Variants in UVRAG observed in about 807,000 individuals in gnomAD.
UVRAG encodes the protein UV radiation resistance associated, also known as UV radiation resistance-associated gene protein.
In UVRAG, 19 loss-of-function variants were observed where a neutral mutation model predicts 78.0. The ratio of observed to expected loss-of-function variants is 0.24; its 90% CI spans 0.17 to 0.36. The LOEUF (loss-of-function observed/expected upper bound fraction) is 0.36. Among genes scored for constraint, UVRAG ranks in the 10% least tolerant of loss-of-function variants. The pLI is 1.00. For missense variants in UVRAG, 740 were observed against 853.8 expected (o/e 0.87, Z 1.66); for synonymous variants, 323 against 324.6 (o/e 1.00, Z 0.05).
At chr11:76,062,420 T>C (rs1951111553) in intron 12 of UVRAG, among the ~76,000 whole-genome samples, 1 of 152,214 alleles carries the variant, frequency 6.6e-6, no homozygotes, top group Non-Finnish European at 1.5e-5. Flanking sequence ...CTTTAGGATT[T>C]TGAATAACTC....
intron 13 of UVRAG, among the ~76,000 whole-genome samples, chr11:76,075,294 A>G (rs1951383671): frequency 6.6e-6 from 1 of 152,198 alleles, no homozygotes; most frequent in Non-Finnish European, 1.5e-5. Flanking sequence ...TATTTCACAT[A>G]ACATACAATT....
intron 6 of UVRAG, among the ~76,000 whole-genome samples, chr11:75,918,252 G>A (rs1023315782): frequency 3.1e-4 from 46 of 150,476 alleles, no homozygotes; most frequent in Admixed American, 2.1e-3. Flanking sequence ...GGTAGCGGGC[G>A]CCTGTAGTCC....
intron 7 of UVRAG, among the ~76,000 whole-genome samples, chr11:75,978,060 C>G (rs1380524913): frequency 1.3e-5 from 2 of 152,108 alleles, no homozygotes; most frequent in African/African-American, 4.8e-5. Flanking sequence ...GTAGGGCAGG[C>G]CTGGTGGTGA....
chr11:76,141,018 G>C lies in UVRAG; in HGVS notation c.1705G>C (p.Val569Leu). ...AAACAAGAAAAAAGGAGAGGATCTA[G>C]TTGGCAGCTTAAACGGAGGCCACGC... is the stretch of plus-strand genomic sequence containing the variant. ...KENKKKGEDL[V>L]GSLNGGHANV... Residue 569 changes from valine to leucine, a missense_variant, in exon 15 of 15, where the codon GTT (valine) becomes CTT (leucine). Val to Leu is a conservative substitution (Grantham distance 32). Coordinates refer to ENST00000356136, the MANE Select transcript of UVRAG (RefSeq NM_003369.4). 1 of 1,614,158 alleles carries C rather than the reference G, an allele frequency of 6.2e-7. No homozygotes were observed. Among genetic ancestry groups the C allele is most frequent in the Non-Finnish European group, 8.5e-7 (1 of 1,180,040 alleles).
At chr11:75,924,054 G>A (rs1018648320) in intron 6 of UVRAG, among the ~76,000 whole-genome samples, 5 of 150,008 alleles carry the variant, frequency 3.3e-5, no homozygotes, top group Admixed American at 2.0e-4. Context: ...GACTATATAC[G>A]TTCAGGGAAT....
chr11:76,058,129 A>G (rs2134365174), intron 12 of UVRAG, among the ~76,000 whole-genome samples: 1 of 152,272 alleles, frequency 6.6e-6, no homozygotes, highest in Non-Finnish European at 1.5e-5. Flanking sequence ...TCATGTTATA[A>G]TCTATCCCAA....
chr11:75,934,689 T>TA (rs907179009), intron 6 of UVRAG, among the ~76,000 whole-genome samples: 12 of 152,222 alleles, frequency 7.9e-5, no homozygotes, highest in African/African-American at 2.6e-4. Context: ...ACTCCCTAGT[T>TA]ACAAAAAAAT....
At chr11:75,848,819 C>G (rs1471287727) in intron 1 of UVRAG, among the ~76,000 whole-genome samples, 3 of 152,136 alleles carry the variant, frequency 2.0e-5, no homozygotes, top group Non-Finnish European at 4.4e-5. Context: ...TTTCTGCATT[C>G]TTTCCTTCTT....
intron 13 of UVRAG, among the ~76,000 whole-genome samples, chr11:76,078,797 C>T (rs990516473): frequency 1.5e-3 from 221 of 145,966 alleles, no homozygotes; most frequent in African/African-American, 4.9e-3. Context: ...GGTGTGGTGG[C>T]GGACACCTGT....
chr11:76,123,621 A>G (rs1208400554), intron 14 of UVRAG, among the ~76,000 whole-genome samples: 1 of 152,186 alleles, frequency 6.6e-6, no homozygotes, highest in African/African-American at 2.4e-5. Flanking sequence ...TTTCCTGATT[A>G]TAGAGCTTAA....
chr11:75,918,872 T>C (rs549898483), intron 6 of UVRAG, among the ~76,000 whole-genome samples: 1 of 152,350 alleles, frequency 6.6e-6, no homozygotes, highest in South Asian at 2.1e-4. Flanking sequence ...TAAAAGGTGA[T>C]GAAAATGCAA....
intron 13 of UVRAG, among the ~76,000 whole-genome samples, chr11:76,083,930 C>T (rs1951541608): frequency 6.6e-6 from 1 of 152,176 alleles, no homozygotes; most frequent in Non-Finnish European, 1.5e-5. Flanking sequence ...CCAAGGAAGC[C>T]TGTGGCCCAG....
chr11:75,887,448 GT>G (rs1253746430), intron 4 of UVRAG, among the ~76,000 whole-genome samples: 51 of 114,134 alleles, frequency 4.5e-4, no homozygotes, highest in East Asian at 5.6e-4. Flanking sequence ...CCTGGCGCAG[GT>G]TTTTTTTTTT....
intron 12 of UVRAG, among the ~76,000 whole-genome samples, chr11:76,034,515 C>T (rs1207549170): frequency 2.0e-5 from 3 of 152,062 alleles, no homozygotes; most frequent in Non-Finnish European, 4.4e-5. Context: ...TTTTATTTAA[C>T]GTTTTTTTAA....
chr11:76,130,048 A>G (rs889262849), intron 14 of UVRAG, among the ~76,000 whole-genome samples: 3 of 152,236 alleles, frequency 2.0e-5, no homozygotes, highest in South Asian at 2.1e-4. Flanking sequence ...ATCTTCTACC[A>G]TAGAACTCTT....
intron 6 of UVRAG, among the ~76,000 whole-genome samples, chr11:75,913,202 T>C (rs1315216692): frequency 1.3e-5 from 2 of 152,182 alleles, no homozygotes; most frequent in Non-Finnish European, 2.9e-5. Context: ...AGGCGTAGGG[T>C]ACAATTATTT....
intron 14 of UVRAG, chr11:76,137,355 C>T: frequency 4.4e-6 from 2 of 456,172 alleles, no homozygotes; most frequent in Non-Finnish European, 8.8e-6. Context: ...CACTGAACAT[C>T]CTGTAGTCCC....
Position 76,016,796 on chromosome 11 carries a change from T to C in UVRAG, c.1061-19T>C. 1 of 1,575,676 alleles carries C rather than the reference T, an allele frequency of 6.3e-7. No homozygotes were observed. The highest frequency in any genetic ancestry group is 2.3e-5 in the East Asian group (1 of 44,282). ...AAGGTAAATAGTTATTTTCTTTTCCTCTGCTTTTGAATTTACAGCAAAAGA... is the reference window on the plus strand; with the variant it reads ...AAGGTAAATAGTTATTTTCTTTTCCCCTGCTTTTGAATTTACAGCAAAAGA... On this transcript the variant is annotated intron_variant, in intron 11 of 14. Coordinates refer to ENST00000356136, the MANE Select transcript of UVRAG (RefSeq NM_003369.4).
chr11:75,876,835 T>TTTTTTTA (rs1205777829), intron 3 of UVRAG, among the ~76,000 whole-genome samples: 2 of 149,942 alleles, frequency 1.3e-5, no homozygotes, highest in Admixed American at 6.6e-5. Flanking sequence ...CCTTATGTTT[T>TTTTTTTA]TTTTTTATTT....
Sources: allele counts gnomAD v4.1 joint callset (sites outside exome capture counted in the v4.1 genomes callset), GRCh38; gene constraint gnomAD v4.1.1; transcripts MANE v1.5; gene names NCBI Gene and HGNC (gene_info 2026-07-23, HGNC 2026-07-21).